TRAPPC13: variants seen among roughly 807,000 people sequenced by gnomAD.
The protein encoded by TRAPPC13 is REV7-interacting novel NHEJ regulator 1.
Under a neutral mutation model 54.0 loss-of-function variants are expected in TRAPPC13, and 39 were observed. The observed-to-expected ratio is 0.72, with a 90% CI of 0.56 to 0.94. The LOEUF (loss-of-function observed/expected upper bound fraction) is 0.94. Ranked by LOEUF, TRAPPC13 falls within the 40% of genes least tolerant of loss-of-function variation. The probability of loss-of-function intolerance (pLI) is 0.00; values close to 1 mark genes in which losing one functional copy is unlikely to be tolerated. For missense variants in TRAPPC13, 386 were observed against 488.1 expected, an observed-to-expected ratio of 0.79 and a Z score of 1.97; for synonymous variants, 148 against 167.7, an observed-to-expected ratio of 0.88 and a Z score of 0.91.
At chr5:65,633,667 T>G (rs1388646120) in intron 1 of TRAPPC13, among the ~76,000 whole-genome samples, 1 of 152,114 alleles carries the variant, frequency 6.6e-6, no homozygotes, top group Non-Finnish European at 1.5e-5. Flanking sequence ...ATGTTTTTGT[T>G]TTTATTTTGA....
intron 9 of TRAPPC13, among the ~76,000 whole-genome samples, chr5:65,658,927 C>T (rs958735054): frequency 2.6e-4 from 39 of 151,934 alleles, no homozygotes; most frequent in Non-Finnish European, 5.0e-4. Flanking sequence ...ACCATATTGG[C>T]CAGGCTGGTC....
chr5:65,637,031 A>G (rs1362415392), intron 3 of TRAPPC13, among the ~76,000 whole-genome samples: 1 of 152,238 alleles, frequency 6.6e-6, no homozygotes, highest in African/African-American at 2.4e-5. Context: ...TTCTAGATTC[A>G]GGGAATAAGT....
rs11354403 is a variant in TRAPPC13 at position 65,652,339 on chromosome 5, CTTT to C, written c.502-147_502-145del. On this transcript the variant is annotated intron_variant, in intron 6 of 12. Transcript: ENST00000399438. ...TACATTAGGGATTCTTTTTTCTTTT[CTTT>C]TTTTTTTTTTTTTTGGAAGAATATT... Among the ~76,000 whole-genome samples the C allele has an allele frequency of 5.2e-5, 6 of 116,218 alleles. No individual in the cohort carries two copies. In the East Asian group the frequency reaches 7.2e-4, roughly 14 times the overall value. 76.2% of individuals were successfully genotyped at this position (116,218 alleles called of 152,430 possible). A position where few individuals can be genotyped will look rare whatever the true frequency, so the allele number is the denominator to read the frequency against.
At chr5:65,657,462 A>G (rs985039513) in intron 8 of TRAPPC13, among the ~76,000 whole-genome samples, 1 of 152,194 alleles carries the variant, frequency 6.6e-6, no homozygotes, top group Non-Finnish European at 1.5e-5. Context: ...ACATATTACT[A>G]TGAAACTTTT....
intron 8 of TRAPPC13, 65 bp from the exon 9 acceptor site, chr5:65,658,303 T>G: frequency 6.8e-7 from 1 of 1,460,990 alleles, no homozygotes; most frequent in Non-Finnish European, 9.1e-7. Flanking sequence ...AGATAAGATA[T>G]TTTTGTTGAG....
In TRAPPC13 at chr5:65,627,004, G is replaced by A. The variant is rs552688722; in HGVS notation, c.46+1898G>A. The stretch of plus-strand genomic sequence containing the variant: ...AAAATACAAAAATTAGCCAGGTGTG[G>A]TGGTGTAATCCCAGCTACTCGGGAG... On this transcript the variant is annotated intron_variant, in intron 1 of 12. Coordinates refer to ENST00000399438, the MANE Select transcript of TRAPPC13 (RefSeq NM_024941.4). Among the ~76,000 whole-genome samples, 537 of 151,304 alleles carry A rather than the reference G, an allele frequency of 3.5e-3. 1 individual carries two copies. The highest frequency in any genetic ancestry group is 0.012 in the African/African-American group (494 of 41,266).
At chr5:65,642,125 C>T (rs1432732968) in intron 4 of TRAPPC13, among the ~76,000 whole-genome samples, 1 of 152,090 alleles carries the variant, frequency 6.6e-6, no homozygotes, top group Admixed American at 6.5e-5. Context: ...AAGTTCGAGA[C>T]CAGCCTGGCC....
chr5:65,652,801 G>A, intron 7 of TRAPPC13: 1 of 471,288 alleles, frequency 2.1e-6, no homozygotes, highest in Non-Finnish European at 3.8e-6. Flanking sequence ...TTCGTTAAAT[G>A]ATTGCCCTCT....
At position 65,662,074 on chromosome 5, in the gene TRAPPC13, T is replaced by A; in HGVS notation, c.922T>A (p.Leu308Met). 6.2e-7 allele frequency: 1 copy of A among 1,608,018 alleles called. No homozygotes were observed. Among genetic ancestry groups the A allele is most frequent in the South Asian group, 1.1e-5 (1 of 90,216 alleles). ...GGCTCCAGGTTATGGAGATGTTAGG[T>A]TGTCTTTGGAGGCAATACCAGATAC... is the stretch of plus-strand genomic sequence containing the variant. Reference protein sequence around the residue: ...RMAPGYGDVRLSLEAIPDTVN... With the variant: ...RMAPGYGDVRMSLEAIPDTVN... The change falls in exon 11 of 13, where the codon TTG (leucine) becomes ATG (methionine). Residue 308 changes from leucine (L) to methionine (M), a missense_variant. By Grantham distance (15) the Leu-to-Met change is conservative (BLOSUM62 2). Transcript: ENST00000399438.
chr5:65,639,028 G>A (rs1418019032), intron 4 of TRAPPC13, among the ~76,000 whole-genome samples: 2 of 152,162 alleles, frequency 1.3e-5, no homozygotes, highest in Non-Finnish European at 2.9e-5. Flanking sequence ...AGGTTGCAGT[G>A]AGCCAAGACT....
intron 1 of TRAPPC13, among the ~76,000 whole-genome samples, chr5:65,628,335 G>A (rs930650373): frequency 2.6e-5 from 4 of 152,098 alleles, no homozygotes; most frequent in African/African-American, 9.7e-5. Flanking sequence ...CACAAAACTG[G>A]TTCTTAGCCT....
At chr5:65,648,256 T>C (rs1377871514) in intron 5 of TRAPPC13, among the ~76,000 whole-genome samples, 1 of 152,228 alleles carries the variant, frequency 6.6e-6, no homozygotes, top group Non-Finnish European at 1.5e-5. Context: ...TCTACTTCTC[T>C]TTCAAATCTC....
intron 1 of TRAPPC13, among the ~76,000 whole-genome samples, chr5:65,627,674 GACA>G (rs373003083): frequency 3.3e-5 from 5 of 151,312 alleles, no homozygotes; most frequent in African/African-American, 1.2e-4. Flanking sequence ...ATTGACTTTA[GACA>G]ACAAGAGAAT....
At chr5:65,625,286 C>T (rs1347679352) in intron 1 of TRAPPC13, 180 bp downstream of exon 1, 1 of 602,618 alleles carries the variant, frequency 1.7e-6, no homozygotes, top group South Asian at 2.0e-5. Context: ...TTATGGGCCC[C>T]TTTCTAGAAC....
intron 5 of TRAPPC13, among the ~76,000 whole-genome samples, chr5:65,649,600 T>A (rs1756346857): frequency 6.6e-6 from 1 of 152,212 alleles, no homozygotes; most frequent in African/African-American, 2.4e-5. Context: ...CACATTTTTG[T>A]TAGCCAGTTA....
intron 4 of TRAPPC13, among the ~76,000 whole-genome samples, chr5:65,646,507 G>C (rs1756212629): frequency 1.0e-5 from 1 of 96,406 alleles, no homozygotes; most frequent in Non-Finnish European, 2.5e-5. Context: ...CACCATTGTA[G>C]CTTCCCCCCT....
intron 4 of TRAPPC13, among the ~76,000 whole-genome samples, chr5:65,643,703 G>C (rs1257517195): frequency 2.0e-5 from 3 of 151,658 alleles, no homozygotes; most frequent in African/African-American, 7.3e-5. Flanking sequence ...TGTAGTCCCA[G>C]CTACTCGGGA....
At chr5:65,639,350 A>G (rs1237954574) in intron 4 of TRAPPC13, among the ~76,000 whole-genome samples, 1 of 151,640 alleles carries the variant, frequency 6.6e-6, no homozygotes, top group Non-Finnish European at 1.5e-5. Flanking sequence ...AAAATGGACA[A>G]AAAAATTAAT....
At chr5:65,631,333 G>T (rs1030087044) in intron 1 of TRAPPC13, among the ~76,000 whole-genome samples, 1 of 152,192 alleles carries the variant, frequency 6.6e-6, no homozygotes, top group South Asian at 2.1e-4. Context: ...GCCTGAGATG[G>T]CTGAGGTTGC....
Sources: allele counts gnomAD v4.1 joint callset (sites outside exome capture counted in the v4.1 genomes callset), GRCh38; gene constraint gnomAD v4.1.1; transcripts MANE v1.5; gene names NCBI Gene and HGNC (gene_info 2026-07-23, HGNC 2026-07-21).